Variants in MFAP1 observed in about 807,000 individuals in gnomAD.
MFAP1 encodes microfibrillar-associated protein 1.
In MFAP1, 18 loss-of-function variants were observed where a neutral mutation model predicts 62.2. The ratio of observed to expected loss-of-function variants is 0.29; its 90% CI spans 0.20 to 0.43. The LOEUF is 0.43. MFAP1 is among the 20% of genes least tolerant of loss of function. MFAP1 has a pLI of 1.00. For missense variants in MFAP1, 355 were observed against 559.7 expected, an observed-to-expected ratio of 0.63 and a Z score of 3.69; for synonymous variants, 175 against 180.4, an observed-to-expected ratio of 0.97 and a Z score of 0.24.
intron 6 of MFAP1, among the ~76,000 whole-genome samples, chr15:43,812,188 C>CA (rs200328815): frequency 0.037 from 3,377 of 90,146 alleles, 103 homozygotes; most frequent in African/African-American, 0.11. Context: ...AACTTCATGT[C>CA]AAAAAAAAAA....
chr15:43,806,026 C>A (rs1424084321), intron 7 of MFAP1, among the ~76,000 whole-genome samples: 1 of 149,522 alleles, frequency 6.7e-6, no homozygotes, highest in Non-Finnish European at 1.5e-5. Flanking sequence ...GGGGTCACTA[C>A]TGCTCACTGA....
chr15:43,813,506 GTCTT>G, intron 4 of MFAP1, 149 bp from the exon 5 acceptor site: 3 of 512,452 alleles, frequency 5.9e-6, no homozygotes, highest in South Asian at 3.0e-5. Flanking sequence ...GTCATCCCAG[GTCTT>G]TTTTTTTTTT....
intron 1 of MFAP1, among the ~76,000 whole-genome samples, chr15:43,823,129 G>A (rs527453040): frequency 3.3e-5 from 5 of 151,748 alleles, no homozygotes; most frequent in Admixed American, 6.6e-5. Context: ...GAGCCACCGC[G>A]CCGGGCCCTA....
At chr15:43,820,057 A>G (rs1596059098) in intron 1 of MFAP1, among the ~76,000 whole-genome samples, 1 of 152,220 alleles carries the variant, frequency 6.6e-6, no homozygotes, top group East Asian at 1.9e-4. Context: ...CTGAGGCAGG[A>G]GAATGGCGTG....
At chr15:43,809,139 A>G (rs906942480) in intron 7 of MFAP1, among the ~76,000 whole-genome samples, 4 of 152,012 alleles carry the variant, frequency 2.6e-5, no homozygotes, top group African/African-American at 9.7e-5. Flanking sequence ...TGGAGGACCT[A>G]ATTAGTCCAC....
intron 2 of MFAP1, among the ~76,000 whole-genome samples, 155 bp from the exon 3 acceptor site, chr15:43,815,229 C>G (rs538527391): frequency 1.3e-5 from 2 of 151,764 alleles, no homozygotes; most frequent in Non-Finnish European, 2.9e-5. Context: ...GCCCAGGCTG[C>G]AGTGCAGTGG....
chr15:43,805,290 G>A lies in MFAP1; in HGVS notation c.1138-14C>T, dbSNP rs1248744603. ...AAAGTTCTTGACCTGAGGGAAGGATGGATGATGAGTTATACCACCAAACAA... is the reference window on the plus strand; with the variant it reads ...AAAGTTCTTGACCTGAGGGAAGGATAGATGATGAGTTATACCACCAAACAA... On this transcript the variant is annotated splice_polypyrimidine_tract_variant and intron_variant, in intron 8 of 8. Coordinates refer to ENST00000267812, the MANE Select transcript of MFAP1 (RefSeq NM_005926.3). The A allele has an allele frequency of 6.9e-6, 11 of 1,594,440 alleles. No homozygotes were observed. The East Asian group carries it at 2.0e-4, about 29-fold the overall frequency.
chr15:43,820,504 CAAAT>C (rs901749804), intron 1 of MFAP1, among the ~76,000 whole-genome samples: 81 of 152,128 alleles, frequency 5.3e-4, no homozygotes, highest in African/African-American at 1.8e-3. Flanking sequence ...CACAAGATAA[CAAAT>C]AGATAAAAGA....
chr15:43,816,435 T>TG (rs1324310111), intron 2 of MFAP1, among the ~76,000 whole-genome samples: 7 of 151,702 alleles, frequency 4.6e-5, no homozygotes, highest in African/African-American at 1.5e-4. Flanking sequence ...TTAGTAGAGA[T>TG]GGGGTTTTAC....
chr15:43,809,782 C>A lies in MFAP1; in HGVS notation c.1020G>T (p.Lys340Asn). The change falls in exon 7 of 9, where the codon AAG (lysine) becomes AAT (asparagine). Residue 340 changes from lysine (K) to asparagine (N), a missense_variant. Coordinates refer to ENST00000267812, the MANE Select transcript of MFAP1 (RefSeq NM_005926.3). Reference sequence around the variant, plus strand: ...TGAAGAAGGCACCCCGGTGATAATACTTCTGTAAGAACTTGTATTTGCCCT... The same window carrying A: ...TGAAGAAGGCACCCCGGTGATAATAATTCTGTAAGAACTTGTATTTGCCCT... ...AVKGKYKFLQKYYHRGAFFMD... is the reference protein window; with the variant it reads ...AVKGKYKFLQNYYHRGAFFMD... 6.2e-7 allele frequency: 1 copy of A among 1,614,094 alleles called. No individual in the cohort carries two copies. The highest frequency in any genetic ancestry group is 8.5e-7 in the Non-Finnish European group (1 of 1,179,968).
chr15:43,819,514 G>T (rs2087454415), intron 1 of MFAP1, among the ~76,000 whole-genome samples: 1 of 151,960 alleles, frequency 6.6e-6, no homozygotes, highest in African/African-American at 2.4e-5. Flanking sequence ...TAAAACAATA[G>T]AAACATTCTA....
At chr15:43,813,820 G>C (rs928339211) in intron 4 of MFAP1, among the ~76,000 whole-genome samples, 1 of 151,966 alleles carries the variant, frequency 6.6e-6, no homozygotes, top group African/African-American at 2.4e-5. Flanking sequence ...ATCATCCCAG[G>C]TCTTTAGAGG....
intron 7 of MFAP1, among the ~76,000 whole-genome samples, chr15:43,808,800 T>C (rs541593502): frequency 2.0e-5 from 3 of 152,364 alleles, no homozygotes; most frequent in Admixed American, 2.0e-4. Context: ...AGTGGGGATA[T>C]TTAGAATTTG....
intron 6 of MFAP1, among the ~76,000 whole-genome samples, chr15:43,810,700 G>A (rs1022420149): frequency 1.3e-4 from 19 of 151,768 alleles, no homozygotes; most frequent in African/African-American, 4.4e-4. Flanking sequence ...GTGTTGGGGA[G>A]AGGGAGTGAT....
intron 1 of MFAP1, among the ~76,000 whole-genome samples, chr15:43,820,123 G>A (rs2087458550): frequency 6.6e-6 from 1 of 152,016 alleles, no homozygotes; most frequent in African/African-American, 2.4e-5. Flanking sequence ...CTCCAGCTTG[G>A]GCAAGAGAGC....
intron 1 of MFAP1, among the ~76,000 whole-genome samples, chr15:43,823,268 A>T (rs2930530): frequency 2.6e-5 from 4 of 151,994 alleles, no homozygotes; most frequent in Non-Finnish European, 5.9e-5. Context: ...TTACAGGTGT[A>T]AGCCACTGTG....
At position 43,817,372 on chromosome 15, in the gene MFAP1, G is replaced by C. The variant is rs768953790; in HGVS notation, c.156C>G (p.Ser52=). 6.2e-7 allele frequency: 1 copy of C among 1,614,062 alleles called. No homozygotes were observed. The highest frequency in any genetic ancestry group is 1.1e-5 in the South Asian group (1 of 91,076). The change falls in exon 2 of 9, where the codon TCC becomes TCG. Residue 52 remains serine (S), a synonymous_variant. Transcript: ENST00000267812. ...GAAATTCTTCATCCTCCTCATCTGAGGACTCCATAGGGGCATAGTCTGGCC... is the reference window on the plus strand; with the variant it reads ...GAAATTCTTCATCCTCCTCATCTGACGACTCCATAGGGGCATAGTCTGGCC... ...GKRPDYAPME[S]SDEEDEEFQF... is the part of the protein sequence containing the mutation.
intron 6 of MFAP1, among the ~76,000 whole-genome samples, chr15:43,811,468 T>C (rs1422396859): frequency 8.7e-5 from 13 of 149,736 alleles, no homozygotes; most frequent in South Asian, 4.2e-4. Context: ...TATGGAGTTA[T>C]CTACTGTGTG....
intron 8 of MFAP1, 23 bp downstream of exon 8, chr15:43,805,353 C>A: frequency 6.2e-7 from 1 of 1,606,952 alleles, no homozygotes; most frequent in South Asian, 1.1e-5. Flanking sequence ...TTTTCTCTGT[C>A]ATGTTATTAA....
Sources: allele counts gnomAD v4.1 joint callset (sites outside exome capture counted in the v4.1 genomes callset), GRCh38; gene constraint gnomAD v4.1.1; transcripts MANE v1.5; gene names NCBI Gene and HGNC (gene_info 2026-07-23, HGNC 2026-07-21).